Variants in QTMAN observed in about 807,000 individuals in gnomAD.
QTMAN encodes queuosine-tRNA mannosyltransferase.
the QTMAN span, among the ~76,000 whole-genome samples, chr2:144,284,658 T>C: frequency 6.6e-6 from 1 of 152,146 alleles, no homozygotes; most frequent in Non-Finnish European, 1.5e-5. Flanking sequence ...CATTTAAAAC[T>C]AAGGTATTAA....
At chr2:144,043,227 T>TTGTGTGTGTGTGTGTG in the QTMAN span, among the ~76,000 whole-genome samples, 2 of 148,598 alleles carry the variant, frequency 1.3e-5, no homozygotes, top group African/African-American at 4.9e-5. Flanking sequence ...ATGTGTGAAT[T>TTGTGTGTGTGTGTGTG]TGTGTGTGTG....
the QTMAN span, among the ~76,000 whole-genome samples, chr2:144,112,813 T>C: frequency 6.6e-6 from 1 of 152,176 alleles, no homozygotes; most frequent in African/African-American, 2.4e-5. Flanking sequence ...GAGGACTTAA[T>C]GGAGAGTTGA....
At chr2:144,318,192 TAA>T in the QTMAN span, among the ~76,000 whole-genome samples, 1 of 121,098 alleles carries the variant, frequency 8.3e-6, no homozygotes, top group African/African-American at 4.1e-5. Flanking sequence ...TCTATTTAAA[TAA>T]ACACACACAC....
chr2:144,006,091 A>C, the QTMAN span: 11 of 152,268 alleles, frequency 7.2e-5, no homozygotes, highest in Admixed American at 2.6e-4. Context: ...ACTCTGTCAC[A>C]TTCGAAGTAA....
the QTMAN span, among the ~76,000 whole-genome samples, chr2:144,288,920 G>C: frequency 3.9e-5 from 6 of 152,040 alleles, no homozygotes; most frequent in East Asian, 1.2e-3. Flanking sequence ...GAAACAGATA[G>C]GGAGAAACAA....
chr2:143,949,208 T>A, the QTMAN span, among the ~76,000 whole-genome samples: 1 of 151,944 alleles, frequency 6.6e-6, no homozygotes, highest in Non-Finnish European at 1.5e-5. Context: ...CTGAAACTAT[T>A]TCAGGTGGGA....
chr2:144,198,094 T>C, the QTMAN span, among the ~76,000 whole-genome samples: 3 of 152,042 alleles, frequency 2.0e-5, no homozygotes, highest in Admixed American at 6.6e-5. Flanking sequence ...CTGGGCATGG[T>C]TGCACACACC....
At chr2:143,970,493 A>ATT in the QTMAN span, among the ~76,000 whole-genome samples, 1 of 152,128 alleles carries the variant, frequency 6.6e-6, no homozygotes, top group African/African-American at 2.4e-5. Context: ...TTACTTAAGT[A>ATT]TTTTTTTAAT....
the QTMAN span, among the ~76,000 whole-genome samples, chr2:144,241,887 C>T: frequency 1.3e-5 from 2 of 151,708 alleles, no homozygotes; most frequent in South Asian, 2.1e-4. Flanking sequence ...ATCATAGTAA[C>T]GAAGCTATGA....
the QTMAN span, among the ~76,000 whole-genome samples, chr2:144,052,593 C>G: frequency 6.6e-6 from 1 of 152,154 alleles, no homozygotes; most frequent in South Asian, 2.1e-4. Context: ...AGTAAATCAT[C>G]CAGCAGGAAT....
chr2:144,092,520 C>T, the QTMAN span, among the ~76,000 whole-genome samples: 2 of 152,120 alleles, frequency 1.3e-5, no homozygotes, highest in African/African-American at 4.8e-5. Flanking sequence ...CAATTTACCT[C>T]AATAAAGCTG....
At chr2:144,314,494 T>C in the QTMAN span, among the ~76,000 whole-genome samples, 7 of 152,026 alleles carry the variant, frequency 4.6e-5, no homozygotes. Flanking sequence ...TGGCGGATCA[T>C]GAGGTCAGGA....
the QTMAN span, among the ~76,000 whole-genome samples, chr2:143,988,379 C>CT: frequency 6.6e-6 from 1 of 152,174 alleles, no homozygotes; most frequent in South Asian, 2.1e-4. Flanking sequence ...GGGCAATATT[C>CT]TTTTTAGAGG....
chr2:144,057,666 G>A, the QTMAN span, among the ~76,000 whole-genome samples: 2 of 152,044 alleles, frequency 1.3e-5, no homozygotes, highest in Non-Finnish European at 2.9e-5. Context: ...ATTATTGCAG[G>A]AGAATTATAA....
chr2:144,166,269 C>T, the QTMAN span, among the ~76,000 whole-genome samples: 11 of 152,182 alleles, frequency 7.2e-5, no homozygotes, highest in African/African-American at 2.7e-4. Context: ...ATCAACCCAA[C>T]CACAAACTTG....
At chr2:144,191,054 A>C in the QTMAN span, among the ~76,000 whole-genome samples, 6 of 152,176 alleles carry the variant, frequency 3.9e-5, no homozygotes, top group African/African-American at 1.4e-4. Context: ...TATTCCTCAA[A>C]CCAGAGCTTC....
chr2:143,980,131 C>T, the QTMAN span, among the ~76,000 whole-genome samples: 4 of 152,088 alleles, frequency 2.6e-5, no homozygotes, highest in Admixed American at 6.6e-5. Flanking sequence ...CATCCCATCA[C>T]CTAGGTATTA....
At chr2:144,044,534 G>A in the QTMAN span, among the ~76,000 whole-genome samples, 1 of 152,032 alleles carries the variant, frequency 6.6e-6, no homozygotes, top group Admixed American at 6.6e-5. Flanking sequence ...CGTGTCAGTG[G>A]AGAAATTCTC....
chr2:144,001,106 A>G, the QTMAN span, among the ~76,000 whole-genome samples: 3 of 152,156 alleles, frequency 2.0e-5, no homozygotes, highest in East Asian at 3.9e-4. Context: ...CCTGAAAAGC[A>G]TATCATTCTA....
Sources: gnomAD v4.1 joint callset for allele counts (sites outside exome capture counted in the v4.1 genomes callset) on GRCh38, gnomAD v4.1.1 for gene constraint, MANE v1.5 for transcripts, NCBI Gene and HGNC (gene_info 2026-07-23, HGNC 2026-07-21) for gene names.